The following CADM2 variants were observed in gnomAD, a reference collection of about 807,000 sequenced individuals.
CADM2 encodes the protein immunoglobulin superfamily member 4D.
In CADM2, 12 loss-of-function variants were observed where a neutral mutation model predicts 49.8. The ratio of observed to expected loss-of-function variants is 0.24; its 90% confidence interval spans 0.15 to 0.39. The LOEUF (loss-of-function observed/expected upper bound fraction) is 0.39. Among genes scored for constraint, CADM2 ranks in the 10% least tolerant of loss-of-function variants. The pLI is 1.00. For missense variants in CADM2, 378 were observed against 492.3 expected, an observed-to-expected ratio of 0.77 and a Z score of 2.20; for synonymous variants, 214 against 175.4, an observed-to-expected ratio of 1.22 and a Z score of -1.74.
chr3:85,504,273 G>C (rs9868709), intron 1 of CADM2, among the ~76,000 whole-genome samples: 164 of 152,060 alleles, frequency 1.1e-3, no homozygotes, highest in African/African-American at 3.8e-3. Context: ...CCTTCCTCCC[G>C]GTGGGCTCGT....
At chr3:85,454,170 C>A (rs2037882668) in intron 1 of CADM2, among the ~76,000 whole-genome samples, 1 of 151,960 alleles carries the variant, frequency 6.6e-6, no homozygotes, top group African/African-American at 2.4e-5. Flanking sequence ...GCCTGGTCAA[C>A]ATGGTGAAAC....
At position 84,959,409 on chromosome 3, in the gene CADM2, C is replaced by T. The variant is rs2030219790; in HGVS notation, c.-199C>T. The T allele has an allele frequency of 5.1e-6, 3 of 587,090 alleles. No homozygotes were observed. The highest frequency in any genetic ancestry group is 6.0e-5 in the East Asian group (2 of 33,500). 36.4% of individuals were successfully genotyped at this position (587,090 alleles called of 1,614,324 possible). Reference sequence around the variant, plus strand: ...AGGAGAAGAAACTATTTCGCGATACCCCATTCTGCGGGTGCTTTGCCGCTG... The same window carrying T: ...AGGAGAAGAAACTATTTCGCGATACTCCATTCTGCGGGTGCTTTGCCGCTG... On this transcript the variant is annotated 5_prime_UTR_variant, in exon 1 of 10. Transcript: ENST00000383699.
At chr3:85,181,591 G>C (rs957101577) in intron 1 of CADM2, among the ~76,000 whole-genome samples, 6 of 152,030 alleles carry the variant, frequency 3.9e-5, no homozygotes, top group Admixed American at 2.6e-4. Context: ...CTTTAGCGGG[G>C]AAGTTTCTCT....
At chr3:85,442,996 A>G (rs1450260354) in intron 1 of CADM2, among the ~76,000 whole-genome samples, 1 of 152,038 alleles carries the variant, frequency 6.6e-6, no homozygotes, top group East Asian at 1.9e-4. Flanking sequence ...TTTTAAATTT[A>G]TGTCTTGAAA....
intron 3 of CADM2, among the ~76,000 whole-genome samples, chr3:85,863,930 AC>A: frequency 6.6e-6 from 1 of 152,128 alleles, no homozygotes; most frequent in Non-Finnish European, 1.5e-5. Context: ...TGGACTGGAG[AC>A]GTGGGAGTTG....
chr3:85,696,754 A>G (rs2066569707), intron 1 of CADM2, among the ~76,000 whole-genome samples: 1 of 151,908 alleles, frequency 6.6e-6, no homozygotes, highest in Non-Finnish European at 1.5e-5. Flanking sequence ...TAGGCTTGGT[A>G]TCTACTAAGA....
chr3:85,708,948 C>G (rs946426366), intron 1 of CADM2, among the ~76,000 whole-genome samples: 4 of 151,234 alleles, frequency 2.6e-5, no homozygotes, highest in Admixed American at 6.6e-5. Flanking sequence ...AAAAAAAAAC[C>G]ACAGCCCTCT....
chr3:85,062,073 C>T (rs1290478621), intron 1 of CADM2, among the ~76,000 whole-genome samples: 4 of 150,362 alleles, frequency 2.7e-5, no homozygotes, highest in South Asian at 2.1e-4. Context: ...CTCTCTCTCA[C>T]TCATACACAC....
At chr3:85,697,098 C>G (rs562730718) in intron 1 of CADM2, among the ~76,000 whole-genome samples, 15 of 142,620 alleles carry the variant, frequency 1.1e-4, no homozygotes, top group South Asian at 6.7e-4. Flanking sequence ...TATATATATG[C>G]CATATATATA....
chr3:85,255,676 T>A (rs935710145), intron 1 of CADM2, among the ~76,000 whole-genome samples: 14 of 152,068 alleles, frequency 9.2e-5, no homozygotes, highest in Non-Finnish European at 1.3e-4. Context: ...ATATTCAAAA[T>A]CTTCCTCAAT....
intron 8 of CADM2, among the ~76,000 whole-genome samples, chr3:85,973,181 T>G (rs1205206382): frequency 1.3e-5 from 2 of 151,746 alleles, no homozygotes; most frequent in Non-Finnish European, 2.9e-5. Context: ...ACTGGTATCA[T>G]TATCATCAGG....
chr3:85,555,437 A>G (rs2061934226), intron 1 of CADM2, among the ~76,000 whole-genome samples: 1 of 152,174 alleles, frequency 6.6e-6, no homozygotes, highest in Non-Finnish European at 1.5e-5. Flanking sequence ...TGACAAGGAA[A>G]AGAAGCTGGG....
intron 3 of CADM2, among the ~76,000 whole-genome samples, chr3:85,843,252 A>G (rs1255264395): frequency 6.6e-6 from 1 of 152,120 alleles, no homozygotes. Context: ...TTTAGATAAT[A>G]TTTTGCTTTC....
At chr3:85,082,941 T>A (rs1362474001) in intron 1 of CADM2, among the ~76,000 whole-genome samples, 29 of 152,058 alleles carry the variant, frequency 1.9e-4, no homozygotes, top group Admixed American at 1.8e-3. Flanking sequence ...AAAATAACAA[T>A]GTTGAGGCAA....
intron 1 of CADM2, among the ~76,000 whole-genome samples, chr3:85,562,673 T>C (rs1008180975): frequency 2.0e-5 from 3 of 152,112 alleles, no homozygotes. Flanking sequence ...TCTTTCTCTA[T>C]TCACCTTTTT....
intron 1 of CADM2, among the ~76,000 whole-genome samples, chr3:85,051,686 C>T (rs1276859072): frequency 6.6e-6 from 1 of 152,158 alleles, no homozygotes; most frequent in African/African-American, 2.4e-5. Flanking sequence ...GACACGCCCT[C>T]CATACCTTTC....
intron 1 of CADM2, among the ~76,000 whole-genome samples, chr3:85,713,287 G>T (rs944600390): frequency 6.6e-6 from 1 of 152,076 alleles, no homozygotes; most frequent in Non-Finnish European, 1.5e-5. Flanking sequence ...TTTTAGTAGA[G>T]ATGGCCCGCT....
chr3:85,201,202 T>C (rs1401392662), intron 1 of CADM2, among the ~76,000 whole-genome samples: 1 of 152,184 alleles, frequency 6.6e-6, no homozygotes, highest in East Asian at 1.9e-4. Flanking sequence ...ACCTTGGAGA[T>C]ATTACATGTT....
chr3:85,850,314 C>CTTTTTTTT (rs577604958), intron 3 of CADM2, among the ~76,000 whole-genome samples: 1 of 76,064 alleles, frequency 1.3e-5, no homozygotes, highest in Non-Finnish European at 2.5e-5. Flanking sequence ...TGTTGCAATT[C>CTTTTTTTT]TTTTTTTTTT....
Sources: allele counts gnomAD v4.1 joint callset (sites outside exome capture counted in the v4.1 genomes callset), GRCh38; gene constraint gnomAD v4.1.1; transcripts MANE v1.5; gene names NCBI Gene and HGNC (gene_info 2026-07-23, HGNC 2026-07-21).